KCNIP4: variants seen among roughly 807,000 people sequenced by gnomAD.
KCNIP4 encodes the protein Kv channel-interacting protein 4.
In KCNIP4, 12 loss-of-function variants were observed where a neutral mutation model predicts 34.0. That is an observed-to-expected ratio of 0.35 (90% CI 0.23 to 0.57). The LOEUF (loss-of-function observed/expected upper bound fraction) is 0.57. Among genes scored for constraint, KCNIP4 ranks in the 20% least tolerant of loss-of-function variants. The pLI is 0.83. For synonymous variants in KCNIP4, 124 were observed against 102.2 expected, an observed-to-expected ratio of 1.21 and a Z score of -1.29; for missense variants, 238 against 311.7, an observed-to-expected ratio of 0.76 and a Z score of 1.78.
At chr4:21,697,113 G>T (rs143947519) in intron 1 of KCNIP4, among the ~76,000 whole-genome samples, 216 of 151,632 alleles carry the variant, frequency 1.4e-3, no homozygotes, top group African/African-American at 5.0e-3. Context: ...AATTTACCAA[G>T]AACACTGCCT....
At chr4:21,111,052 T>C (rs948228579) in intron 1 of KCNIP4, among the ~76,000 whole-genome samples, 1 of 152,248 alleles carries the variant, frequency 6.6e-6, no homozygotes, top group Admixed American at 6.5e-5. Context: ...AGTACAATTT[T>C]ATATTTTATA....
At chr4:20,928,428 T>C (rs1170146764) in intron 1 of KCNIP4, among the ~76,000 whole-genome samples, 2 of 151,642 alleles carry the variant, frequency 1.3e-5, no homozygotes, top group East Asian at 3.9e-4. Flanking sequence ...TTGAAACAAA[T>C]GACAACACAA....
chr4:21,724,872 C>T (rs2109101007), intron 1 of KCNIP4, among the ~76,000 whole-genome samples: 1 of 152,138 alleles, frequency 6.6e-6, no homozygotes, highest in African/African-American at 2.4e-5. Flanking sequence ...GCATAACAGA[C>T]CTAACCATAC....
chr4:20,879,168 C>G (rs1420812197), intron 2 of KCNIP4, among the ~76,000 whole-genome samples: 2 of 152,144 alleles, frequency 1.3e-5, no homozygotes, highest in African/African-American at 4.8e-5. Flanking sequence ...AAAATGTGAA[C>G]AAGACAATTC....
chr4:21,603,285 A>C (rs1027167937), intron 1 of KCNIP4, among the ~76,000 whole-genome samples: 1 of 152,122 alleles, frequency 6.6e-6, no homozygotes, highest in South Asian at 2.1e-4. Context: ...CAAGTCACAT[A>C]AAGCCATAAG....
chr4:21,891,346 T>C (rs1727081534), intron 1 of KCNIP4, among the ~76,000 whole-genome samples: 2 of 152,086 alleles, frequency 1.3e-5, no homozygotes, highest in African/African-American at 2.4e-5. Context: ...AATATTTAAG[T>C]ATTGCTTAGT....
At chr4:20,933,531 C>G (rs1239083516) in intron 1 of KCNIP4, among the ~76,000 whole-genome samples, 1 of 152,154 alleles carries the variant, frequency 6.6e-6, no homozygotes, top group Non-Finnish European at 1.5e-5. Flanking sequence ...ACTATCATTA[C>G]ATGGTTTCAC....
At chr4:21,828,756 T>G (rs979592862) in intron 1 of KCNIP4, among the ~76,000 whole-genome samples, 1 of 151,994 alleles carries the variant, frequency 6.6e-6, no homozygotes, top group African/African-American at 2.4e-5. Context: ...GAAGTATATA[T>G]TCAATTTTAT....
chr4:21,331,577 CTCAT>C (rs1355490478), intron 1 of KCNIP4, among the ~76,000 whole-genome samples: 1 of 152,032 alleles, frequency 6.6e-6, no homozygotes, highest in East Asian at 1.9e-4. Flanking sequence ...CACTAGTTTG[CTCAT>C]TCATTCAACA....
chr4:21,812,955 G>A (rs1224861211), intron 1 of KCNIP4, among the ~76,000 whole-genome samples: 16 of 152,196 alleles, frequency 1.1e-4, no homozygotes, highest in South Asian at 6.2e-4. Context: ...CAGGATTCCC[G>A]TACCTACGTC....
At chr4:21,866,296 T>C (rs1021785221) in intron 1 of KCNIP4, among the ~76,000 whole-genome samples, 3 of 152,226 alleles carry the variant, frequency 2.0e-5, no homozygotes, top group East Asian at 1.9e-4. Flanking sequence ...AAATTTGTTA[T>C]GTAAAATTGC....
In KCNIP4 at chr4:21,935,896, A is replaced by T. The variant is rs186023360; in HGVS notation, c.61+12675T>A. On this transcript the variant is annotated intron_variant, in intron 1 of 8. Coordinates refer to ENST00000382152, the MANE Select transcript of KCNIP4 (RefSeq NM_025221.6). Reference sequence around the variant, plus strand: ...TCTTCAGTGATTCGCAACTTAACATAGATTTGAGTACATTTTCATAGAAAG... The same window carrying T: ...TCTTCAGTGATTCGCAACTTAACATTGATTTGAGTACATTTTCATAGAAAG... Among the ~76,000 whole-genome samples the T allele has an allele frequency of 9.9e-4, 151 of 152,054 alleles. No individual in the cohort carries two copies. In the Middle Eastern group the frequency reaches 0.017, roughly 17 times the overall value.
At chr4:20,951,398 G>C (rs952208107) in intron 1 of KCNIP4, among the ~76,000 whole-genome samples, 1 of 152,164 alleles carries the variant, frequency 6.6e-6, no homozygotes, top group Non-Finnish European at 1.5e-5. Flanking sequence ...AGTATTAGAT[G>C]AATTATTCAA....
intron 1 of KCNIP4, among the ~76,000 whole-genome samples, chr4:21,063,795 A>T (rs1381502043): frequency 6.6e-6 from 1 of 152,176 alleles, no homozygotes; most frequent in East Asian, 1.9e-4. Flanking sequence ...TTCTTAGAAG[A>T]TGGTTATTTT....
rs530179926 is a variant in KCNIP4, at chr4:20,901,784, G to A, written c.62-19075C>T. 1.9e-3 allele frequency among the ~76,000 whole-genome samples: 291 copies of A among 152,000 alleles called. 1 individual carries two copies. Among genetic ancestry groups the A allele is most frequent in the African/African-American group, 6.8e-3 (281 of 41,450 alleles). ...CTAAACTCAAGAGGTTATTGTAAAG[G>A]TCAAATGAAATGAGTACCCAGAGTG... On this transcript the variant is annotated intron_variant, in intron 1 of 8. Coordinates refer to ENST00000382152, the MANE Select transcript of KCNIP4 (RefSeq NM_025221.6).
At chr4:21,297,665 T>C (rs1388678228) in intron 1 of KCNIP4, among the ~76,000 whole-genome samples, 1 of 152,176 alleles carries the variant, frequency 6.6e-6, no homozygotes. Context: ...TTCTGCAGGA[T>C]GTTTTGTTCT....
chr4:21,701,677 T>C (rs1271593545), intron 1 of KCNIP4, among the ~76,000 whole-genome samples: 2 of 152,090 alleles, frequency 1.3e-5, no homozygotes, highest in Non-Finnish European at 2.9e-5. Context: ...AAGATGGATG[T>C]TTTAATTCAT....
chr4:21,885,838 A>C (rs959191619), intron 1 of KCNIP4, among the ~76,000 whole-genome samples: 1 of 152,140 alleles, frequency 6.6e-6, no homozygotes, highest in African/African-American at 2.4e-5. Flanking sequence ...TGATGATCAC[A>C]TGAAGCTTGC....
At chr4:21,537,507 G>T (rs1347209889) in intron 1 of KCNIP4, among the ~76,000 whole-genome samples, 1 of 152,012 alleles carries the variant, frequency 6.6e-6, no homozygotes, top group African/African-American at 2.4e-5. Flanking sequence ...GCACATTGCG[G>T]AAAACAAAAA....
Sources: gnomAD v4.1 joint callset for allele counts (sites outside exome capture counted in the v4.1 genomes callset) on GRCh38, gnomAD v4.1.1 for gene constraint, MANE v1.5 for transcripts, NCBI Gene and HGNC (gene_info 2026-07-23, HGNC 2026-07-21) for gene names.